Variants in ADIPOQ observed in about 807,000 individuals in gnomAD.
The protein encoded by ADIPOQ is adiponectin, C1Q and collagen domain containing.
ADIPOQ carries 19 observed loss-of-function variants against 16.1 expected under a neutral mutation model. The ratio of observed to expected loss-of-function variants is 1.18; its 90% CI spans 0.82 to 1.73. The LOEUF is 1.73. Ranked by LOEUF, ADIPOQ falls within the 40% of genes most tolerant of loss-of-function variation. The pLI, the probability that ADIPOQ is intolerant of heterozygous loss-of-function variation, is 0.00. For missense variants in ADIPOQ, 323 were observed against 308.3 expected (o/e 1.05, Z -0.36); for synonymous variants, 124 against 125.5 (o/e 0.99, Z 0.08).
rs1437948015 is a variant in ADIPOQ, at chr3:186,853,329, T to G, written c.214+57T>G. ...ACCTCCTACACTGATATAAACTATA[T>G]GAAGGCATTCATTATTAACTAAGGC... is the stretch of plus-strand genomic sequence containing the variant. On this transcript the variant is annotated intron_variant, in intron 2 of 2. Coordinates refer to ENST00000320741, the MANE Select transcript of ADIPOQ (RefSeq NM_004797.4). The G allele has an allele frequency of 2.6e-6, 4 of 1,534,532 alleles. No homozygotes were observed. The South Asian group carries it at 3.6e-5, about 14-fold the overall frequency.
chr3:186,846,077 T>C (rs2108488028), intron 1 of ADIPOQ, among the ~76,000 whole-genome samples: 1 of 151,186 alleles, frequency 6.6e-6, no homozygotes, highest in African/African-American at 2.5e-5. Flanking sequence ...CATGGAGTTA[T>C]TGTAAAGATG....
intron 1 of ADIPOQ, among the ~76,000 whole-genome samples, chr3:186,848,791 A>AT (rs1711655256): frequency 6.6e-6 from 1 of 152,160 alleles, no homozygotes; most frequent in Admixed American, 6.5e-5. Context: ...AATTTTGAAA[A>AT]TTTTTTTGAA....
At chr3:186,844,706 G>T (rs1325338634) in intron 1 of ADIPOQ, among the ~76,000 whole-genome samples, 2 of 151,810 alleles carry the variant, frequency 1.3e-5, no homozygotes, top group African/African-American at 4.8e-5. Flanking sequence ...ACCATGCCTG[G>T]CTAATTTTTA....
chr3:186,852,631 A>T, intron 1 of ADIPOQ: 1 of 194,872 alleles, frequency 5.1e-6, no homozygotes, highest in Non-Finnish European at 1.1e-5. Flanking sequence ...GAAAAAGAAG[A>T]AAGGAGCCAG....
intron 1 of ADIPOQ, among the ~76,000 whole-genome samples, chr3:186,849,456 T>C (rs967230538): frequency 3.3e-5 from 5 of 152,210 alleles, no homozygotes; most frequent in Non-Finnish European, 7.3e-5. Flanking sequence ...AGCTCACCTC[T>C]TTTTTCTTAT....
chr3:186,843,030 AAGTT>A (rs1711501880), intron 1 of ADIPOQ, among the ~76,000 whole-genome samples: 1 of 152,208 alleles, frequency 6.6e-6, no homozygotes, highest in Admixed American at 6.5e-5. Flanking sequence ...TATTGAGAAA[AAGTT>A]AGGGTCAGTA....
At position 186,848,116 on chromosome 3, in the gene ADIPOQ, T is replaced by C. The variant is rs140531754; in HGVS notation, c.-8-4935T>C. Among the ~76,000 whole-genome samples, 1,239 of 148,314 alleles carry C rather than the reference T, an allele frequency of 8.4e-3. 40 individuals are homozygous for C. The East Asian group carries it at 0.12, about 14-fold the overall frequency. ...TGAACCCAGGAGGCGGAGGTTGCAG[T>C]GAGCCAAGATGGTGCCATTGCACTC... On this transcript the variant is annotated intron_variant, in intron 1 of 2. Transcript: ENST00000320741.
chr3:186,854,058 A>T (rs1242998107), intron 2 of ADIPOQ, 126 bp from the exon 3 acceptor site: 9 of 1,000,766 alleles, frequency 9.0e-6, no homozygotes, highest in Admixed American at 8.6e-5. Context: ...GGGAGCTCTT[A>T]TTGGTTTCTT....
chr3:186,853,335 C>T, intron 2 of ADIPOQ, 63 bp downstream of exon 2: 2 of 1,516,226 alleles, frequency 1.3e-6, no homozygotes, highest in Non-Finnish European at 9.0e-7. Context: ...TATATGAAGG[C>T]ATTCATTATT....
rs539919000 is a variant in ADIPOQ at position 186,844,270 on chromosome 3, C to T, written c.-9+1521C>T. Among the ~76,000 whole-genome samples the T allele has an allele frequency of 2.6e-5, 4 of 152,210 alleles. No individual in the cohort carries two copies. In the East Asian group the frequency reaches 5.8e-4, roughly 22 times the overall value. On this transcript the variant is annotated intron_variant, in intron 1 of 2. Coordinates refer to ENST00000320741, the MANE Select transcript of ADIPOQ (RefSeq NM_004797.4). Reference sequence around the variant, plus strand: ...TCAAGCGATTCTCCTGCCTCAGTCTCCCAAGTAGCTGAGACTACAGGCATG... The same window carrying T: ...TCAAGCGATTCTCCTGCCTCAGTCTTCCAAGTAGCTGAGACTACAGGCATG...
At chr3:186,849,067 G>A (rs1213522429) in intron 1 of ADIPOQ, among the ~76,000 whole-genome samples, 6 of 152,178 alleles carry the variant, frequency 3.9e-5, no homozygotes, top group Admixed American at 3.9e-4. Context: ...CTTAGGGTAG[G>A]AGAAAGAGAT....
At chr3:186,851,476 G>A (rs1711764883) in intron 1 of ADIPOQ, among the ~76,000 whole-genome samples, 1 of 151,984 alleles carries the variant, frequency 6.6e-6, no homozygotes. Flanking sequence ...ACCTGTATTG[G>A]GCCCTTTTCT....
intron 1 of ADIPOQ, among the ~76,000 whole-genome samples, chr3:186,847,592 G>A (rs1471025676): frequency 1.3e-5 from 2 of 151,982 alleles, no homozygotes; most frequent in African/African-American, 4.8e-5. Flanking sequence ...CACTTCAAGG[G>A]TGCGCTTAGC....
chr3:186,853,319 AT>A, intron 2 of ADIPOQ, 47 bp downstream of exon 2: 1 of 1,541,124 alleles, frequency 6.5e-7, no homozygotes, highest in East Asian at 2.4e-5. Context: ...CTACACTGAT[AT>A]AAACTATATG....
rs770134681 is a variant in ADIPOQ, at chr3:186,854,729, C to G, written c.*25C>G. The G allele has an allele frequency of 3.7e-6, 6 of 1,613,404 alleles. No homozygotes were observed. The highest frequency in any genetic ancestry group is 1.7e-5 in the Admixed American group (1 of 60,026). The stretch of plus-strand genomic sequence containing the variant: ...ATCACCACTAACTCAGAGCCTCCTC[C>G]AGGCCAAACAGCCCCAAAGTCAATT... On this transcript the variant is annotated 3_prime_UTR_variant, in exon 3 of 3. Coordinates refer to ENST00000320741, the MANE Select transcript of ADIPOQ (RefSeq NM_004797.4).
rs1560109102 is a variant in ADIPOQ, at chr3:186,853,068, C to T, written c.10C>T (p.Leu4=). Residue 4 remains leucine (L), a synonymous_variant, in exon 2 of 3, where the codon CTG becomes TTG. Coordinates refer to ENST00000320741, the MANE Select transcript of ADIPOQ (RefSeq NM_004797.4). MLL[L]GAVLLLLALP... ...GATTCCAGGGCTCAGGATGCTGTTGCTGGGAGCTGTTCTACTGCTATTAGC... is the reference window on the plus strand; with the variant it reads ...GATTCCAGGGCTCAGGATGCTGTTGTTGGGAGCTGTTCTACTGCTATTAGC... The T allele has an allele frequency of 6.2e-7, 1 of 1,614,186 alleles. No homozygotes were observed. Among genetic ancestry groups the T allele is most frequent in the Non-Finnish European group, 8.5e-7 (1 of 1,180,024 alleles).
Position 186,855,536 on chromosome 3 carries a change from C to G in ADIPOQ, c.*832C>G, listed in dbSNP as rs963902618. On this transcript the variant is annotated 3_prime_UTR_variant, in exon 3 of 3. Transcript: ENST00000320741. ...GTGACACGACCTCGGCTCACTGCAG[C>G]CTCCTTCTCCTGGGTCCAAGCAATT... 1 of 151,940 alleles carries G rather than the reference C, an allele frequency of 6.6e-6. No homozygotes were observed. Among genetic ancestry groups the G allele is most frequent in the African/African-American group, 2.4e-5 (1 of 41,324 alleles). The allele number at this position is 151,940 out of a possible 1,614,324, so 9.4% of individuals were successfully genotyped here.
In ADIPOQ at chr3:186,857,995, T is replaced by C. The variant is rs1712073804; in HGVS notation, c.*3291T>C. The stretch of plus-strand genomic sequence containing the variant: ...CTTTCTCTCTCTCTCTCTCTCTCTT[T>C]TTTTGACAGACTCTCGTTCTGTGGC... On this transcript the variant is annotated 3_prime_UTR_variant, in exon 3 of 3. Coordinates refer to ENST00000320741, the MANE Select transcript of ADIPOQ (RefSeq NM_004797.4). 6.6e-6 allele frequency: 1 copy of C among 151,778 alleles called. No homozygotes were observed. Among genetic ancestry groups the C allele is most frequent in the African/African-American group, 2.4e-5 (1 of 41,292 alleles). The allele number at this position is 151,778 out of a possible 1,614,324, so 9.4% of individuals were successfully genotyped here. A position where few individuals can be genotyped will look rare whatever the true frequency, so the allele number is the denominator to read the frequency against.
In ADIPOQ at chr3:186,854,295, A is replaced by C; in HGVS notation, c.326A>C (p.Tyr109Ser). ...AAAGGAGAACCTGGAGAAGGTGCCT[A>C]TGTATACCGCTCAGCATTCAGTGTG... Reference protein sequence around the residue: ...GRKGEPGEGAYVYRSAFSVGL... With the variant: ...GRKGEPGEGASVYRSAFSVGL... Residue 109 changes from tyrosine (Y) to serine (S), a missense_variant, in exon 3 of 3, where the codon TAT becomes TCT. Physicochemically the swap from Tyr to Ser is moderately radical, Grantham distance 144. Coordinates refer to ENST00000320741, the MANE Select transcript of ADIPOQ (RefSeq NM_004797.4). 6.2e-7 allele frequency: 1 copy of C among 1,614,230 alleles called. No homozygotes were observed. Among genetic ancestry groups the C allele is most frequent in the South Asian group, 1.1e-5 (1 of 91,086 alleles).
Sources: gnomAD v4.1 joint callset for allele counts (sites outside exome capture counted in the v4.1 genomes callset) on GRCh38, gnomAD v4.1.1 for gene constraint, MANE v1.5 for transcripts, NCBI Gene and HGNC (gene_info 2026-07-23, HGNC 2026-07-21) for gene names.